NLRP7: variants seen among roughly 807,000 people sequenced by gnomAD.
The protein encoded by NLRP7 is NACHT, LRR and PYD domains-containing protein 7.
NLRP7 carries 72 observed loss-of-function variants against 85.5 expected under a neutral mutation model. That is an observed-to-expected ratio of 0.84 (90% CI 0.70 to 1.02). The LOEUF is 1.02. NLRP7 is among the 50% of genes least tolerant of loss of function. The pLI, the probability that NLRP7 is intolerant of heterozygous loss-of-function variation, is 0.00. For synonymous variants in NLRP7, 550 were observed against 505.2 expected, an observed-to-expected ratio of 1.09 and a Z score of -1.19; for missense variants, 1,243 against 1,219.5, an observed-to-expected ratio of 1.02 and a Z score of -0.29.
intron 1 of NLRP7, among the ~76,000 whole-genome samples, chr19:54,961,766 C>G (rs981403957): frequency 6.6e-6 from 1 of 151,246 alleles, no homozygotes; most frequent in African/African-American, 2.4e-5. Flanking sequence ...GAGCCGAGAC[C>G]ACACCACTGC....
intron 1 of NLRP7, 55 bp downstream of exon 1, chr19:54,947,414 C>T: frequency 2.4e-6 from 3 of 1,231,270 alleles, no homozygotes; most frequent in Non-Finnish European, 3.2e-6. Flanking sequence ...CAACCAATAG[C>T]TTCTTCTCCC....
chr19:54,942,953 C>T (rs1337793858), intron 1 of NLRP7, among the ~76,000 whole-genome samples: 1 of 150,534 alleles, frequency 6.6e-6, no homozygotes, highest in East Asian at 2.0e-4. Flanking sequence ...TTGAGACCCG[C>T]CTGGCCCACA....
At chr19:54,962,331 G>C (rs544869622) in intron 1 of NLRP7, among the ~76,000 whole-genome samples, 35 of 140,660 alleles carry the variant, frequency 2.5e-4, no homozygotes, top group African/African-American at 8.6e-4. Context: ...GCAATGGCAC[G>C]ATCTCAGCTC....
exon 5 of NLRP7, chr19:54,938,061 A>G: frequency 1.2e-6 from 2 of 1,613,934 alleles, no homozygotes; most frequent in Non-Finnish European, 1.7e-6. Flanking sequence ...TCTGCAGATG[A>G]CAGGTGCTAC....
chr19:54,937,696 G>A (rs756102558), intron 5 of NLRP7, among the ~76,000 whole-genome samples: 1 of 151,952 alleles, frequency 6.6e-6, no homozygotes. Flanking sequence ...TCAGGAGCTC[G>A]AGATCAGCCT....
chr19:54,928,432 G>A (rs1171919654), intron 9 of NLRP7, among the ~76,000 whole-genome samples: 1 of 152,134 alleles, frequency 6.6e-6, no homozygotes, highest in African/African-American at 2.4e-5. Context: ...CATATTTGCT[G>A]GGGCTCCAGT....
At chr19:54,942,985 A>G (rs2146236823) in intron 1 of NLRP7, among the ~76,000 whole-genome samples, 1 of 151,838 alleles carries the variant, frequency 6.6e-6, no homozygotes, top group South Asian at 2.1e-4. Flanking sequence ...CATCTCTACT[A>G]AAAATACAAA....
chr19:54,925,375 A>G (rs983073441), intron 9 of NLRP7, among the ~76,000 whole-genome samples: 11 of 152,188 alleles, frequency 7.2e-5, no homozygotes, highest in African/African-American at 2.7e-4. Context: ...CAATTATTTG[A>G]ACTGCAGACG....
chr19:54,952,476 C>A (rs892929957), upstream of NLRP7, among the ~76,000 whole-genome samples: 6 of 151,926 alleles, frequency 3.9e-5, no homozygotes, highest in African/African-American at 9.7e-5. Context: ...TGCCTGTAAC[C>A]CCAGCTACTC....
chr19:54,946,840 A>T (rs997338682), intron 1 of NLRP7, among the ~76,000 whole-genome samples: 3 of 151,990 alleles, frequency 2.0e-5, no homozygotes, highest in African/African-American at 4.8e-5. Context: ...GGGTTTCACC[A>T]TTTTGGGCAG....
In NLRP7 at chr19:54,942,579, A is replaced by AGGCATGGT. The variant is rs1569541218; in HGVS notation, c.-39-830_-39-829insACCATGCC. Among the ~76,000 whole-genome samples, 7 of 151,796 alleles carry AGGCATGGT rather than the reference A, an allele frequency of 4.6e-5. No individual in the cohort carries two copies. The East Asian group carries it at 7.8e-4, about 17-fold the overall frequency. ...TCTCTACTAAAAATACAGAAATTAC[A>AGGCATGGT]GGCGGGTGCCTGTAATCCCAGCTAC... On this transcript the variant is annotated intron_variant, in intron 1 of 9. Transcript: ENST00000340844.
chr19:54,939,418 G>A lies in NLRP7; in HGVS notation c.1401C>T (p.Ile467=), dbSNP rs773972944. 1.9e-6 allele frequency: 3 copies of A among 1,614,116 alleles called. No homozygotes were observed. The South Asian group carries it at 3.3e-5, about 18-fold the overall frequency. Residue 467 remains isoleucine (I), a synonymous_variant, in exon 4 of 10, where the codon ATC becomes ATT. Coordinates refer to ENST00000340844, the Ensembl canonical transcript of NLRP7. Reference sequence around the variant, plus strand: ...TGAGAAACTGCTGGAAGCTGAGGTGGATGAAGGAGTAGCAGCCTTTGGAGA... The same window carrying A: ...TGAGAAACTGCTGGAAGCTGAGGTGAATGAAGGAGTAGCAGCCTTTGGAGA...
At chr19:54,931,805 G>A (rs1199576748) in intron 8 of NLRP7, among the ~76,000 whole-genome samples, 6 of 150,856 alleles carry the variant, frequency 4.0e-5, no homozygotes, top group Admixed American at 1.3e-4. Flanking sequence ...AGCCAAGATC[G>A]CACCACTGCA....
At chr19:54,937,984 A>G (rs1458908435) in intron 5 of NLRP7, 60 bp downstream of exon 5, 3 of 1,339,280 alleles carry the variant, frequency 2.2e-6, no homozygotes, top group Non-Finnish European at 3.2e-6. Flanking sequence ...TTAAAAAACA[A>G]AAGTACAAGA....
intron 9 of NLRP7, among the ~76,000 whole-genome samples, chr19:54,925,037 C>T (rs946932814): frequency 9.2e-5 from 14 of 152,266 alleles, no homozygotes; most frequent in African/African-American, 3.4e-4. Flanking sequence ...TTGGCTCTAA[C>T]GTGGCTGCAG....
Position 54,923,567 on chromosome 19 carries a change from A to C in NLRP7, c.*173T>G, listed in dbSNP as rs1027271771. 78 of 736,214 alleles carry C rather than the reference A, an allele frequency of 1.1e-4. No individual in the cohort carries two copies. The African/African-American group carries it at 1.2e-3, about 11-fold the overall frequency. The allele number at this position is 736,214 out of a possible 1,614,324, so 45.6% of individuals were successfully genotyped here. A position where few individuals can be genotyped will look rare whatever the true frequency, so the allele number is the denominator to read the frequency against. On this transcript the variant is annotated 3_prime_UTR_variant, in exon 10 of 10. Coordinates refer to ENST00000340844, the Ensembl canonical transcript of NLRP7. ...TGAGAAAGTACATAGCGTCATGTGA[A>C]GGGGGTGCGTGACTCGTGCAGAATC...
chr19:54,928,784 T>TA (rs1170309797), intron 9 of NLRP7, among the ~76,000 whole-genome samples: 1 of 147,158 alleles, frequency 6.8e-6, no homozygotes, highest in East Asian at 2.1e-4. Flanking sequence ...TAAGGCCCTG[T>TA]AGGCCACTGT....
intron 4 of NLRP7, 118 bp from the exon 5 acceptor site, chr19:54,938,359 G>A (rs2069036281): frequency 7.6e-6 from 6 of 793,120 alleles, no homozygotes; most frequent in South Asian, 7.0e-5. Context: ...CTAAAACAGT[G>A]TCTATAGTAA....
rs104895561 is a variant in NLRP7, at chr19:54,936,214, T to C, written c.2300+47A>G. 2.0e-4 allele frequency: 313 copies of C among 1,543,124 alleles called. No individual in the cohort carries two copies. The highest frequency in any genetic ancestry group is 2.6e-4 in the Non-Finnish European group (296 of 1,117,048). Reference sequence around the variant, plus strand: ...TTTCCTAGATCCCCCAGCAACACGGTGCAGTGGACTCCAGGTGCTGGGGAG... The same window carrying C: ...TTTCCTAGATCCCCCAGCAACACGGCGCAGTGGACTCCAGGTGCTGGGGAG... On this transcript the variant is annotated intron_variant, in intron 6 of 9. Transcript: ENST00000340844.
Sources: gnomAD v4.1 joint callset for allele counts (sites outside exome capture counted in the v4.1 genomes callset) on GRCh38, gnomAD v4.1.1 for gene constraint, MANE v1.5 for transcripts, NCBI Gene and HGNC (gene_info 2026-07-23, HGNC 2026-07-21) for gene names.